LRPPRC: variants seen among roughly 807,000 people sequenced by gnomAD.
The protein encoded by LRPPRC is leucine-rich PPR motif-containing protein, mitochondrial.
In LRPPRC, 120 loss-of-function variants were observed where a neutral mutation model predicts 180.3. The observed-to-expected ratio is 0.67, with a 90% CI of 0.57 to 0.77. The LOEUF is 0.77. Among genes scored for constraint, LRPPRC ranks in the 30% least tolerant of loss-of-function variants. The pLI is 0.00. For synonymous variants in LRPPRC, 723 were observed against 600.0 expected (o/e 1.21, Z -3.00); for missense variants, 2,012 against 1,657.2 (o/e 1.21, Z -3.72).
At chr2:43,916,831 G>C (rs1023137687) in intron 29 of LRPPRC, among the ~76,000 whole-genome samples, 6 of 151,164 alleles carry the variant, frequency 4.0e-5, no homozygotes, top group African/African-American at 1.5e-4. Context: ...TATGGTCCCA[G>C]CTACTTGGGA....
intron 1 of LRPPRC, among the ~76,000 whole-genome samples, chr2:43,986,793 A>T (rs1349235080): frequency 6.6e-6 from 1 of 152,216 alleles, no homozygotes; most frequent in African/African-American, 2.4e-5. Context: ...TTCACACTGG[A>T]AAGTGGTAAA....
chr2:43,926,069 T>TAC (rs1487298434), intron 25 of LRPPRC, 108 bp from the exon 26 acceptor site: 5 of 698,788 alleles, frequency 7.2e-6, no homozygotes, highest in Non-Finnish European at 1.3e-5. Flanking sequence ...CAAATATATA[T>TAC]ACTAAACTTA....
At chr2:43,929,363 T>C (rs560691632) in intron 25 of LRPPRC, among the ~76,000 whole-genome samples, 1 of 152,356 alleles carries the variant, frequency 6.6e-6, no homozygotes, top group South Asian at 2.1e-4. Flanking sequence ...CTGTTTACAT[T>C]TCTCTCAGCT....
Position 43,985,325 on chromosome 2 carries a change from T to C in LRPPRC, c.150-2891A>G, listed in dbSNP as rs77006319. Among the ~76,000 whole-genome samples, 368 of 152,338 alleles carry C rather than the reference T, an allele frequency of 2.4e-3. 2 individuals are homozygous for C. The highest frequency in any genetic ancestry group is 8.2e-3 in the African/African-American group (339 of 41,578). On this transcript the variant is annotated intron_variant, in intron 1 of 37. Transcript: ENST00000260665. ...AGTGTAGTATCTTTGTTACAAATGA[T>C]GAACCAATGCTGATACATTATCCAT...
At chr2:43,895,212 A>G (rs1425684772) in intron 35 of LRPPRC, among the ~76,000 whole-genome samples, 1 of 152,204 alleles carries the variant, frequency 6.6e-6, no homozygotes, top group Non-Finnish European at 1.5e-5. Flanking sequence ...GGATAAACCC[A>G]TGATGGATAT....
At chr2:43,982,909 T>C (rs1002732413) in intron 1 of LRPPRC, among the ~76,000 whole-genome samples, 3 of 151,314 alleles carry the variant, frequency 2.0e-5, no homozygotes, top group African/African-American at 7.3e-5. Context: ...AGAAGACCAA[T>C]GTCCAGGCTA....
At chr2:43,976,043 A>C (rs558587728) in intron 6 of LRPPRC, 100 bp downstream of exon 6, 2 of 712,372 alleles carry the variant, frequency 2.8e-6, no homozygotes, top group East Asian at 2.6e-5. Context: ...AATTTTCTCT[A>C]ATTTAAACCC....
At chr2:43,933,031 C>G (rs1340217865) in intron 25 of LRPPRC, among the ~76,000 whole-genome samples, 1 of 152,186 alleles carries the variant, frequency 6.6e-6, no homozygotes, top group Non-Finnish European at 1.5e-5. Flanking sequence ...TTTGGATTCA[C>G]TGTACTTTCA....
At chr2:43,892,463 T>C (rs377113675) in intron 36 of LRPPRC, among the ~76,000 whole-genome samples, 2 of 152,174 alleles carry the variant, frequency 1.3e-5, no homozygotes, top group Admixed American at 6.5e-5. Context: ...TGGATGTTTA[T>C]ACATGGTTCA....
intron 27 of LRPPRC, among the ~76,000 whole-genome samples, chr2:43,920,943 T>C (rs997641331): frequency 5.9e-5 from 9 of 152,214 alleles, no homozygotes; most frequent in Non-Finnish European, 1.3e-4. Flanking sequence ...GCACAAATTA[T>C]ACAAAAAGCT....
At chr2:43,964,346 G>A (rs2103675478) in intron 11 of LRPPRC, among the ~76,000 whole-genome samples, 1 of 152,232 alleles carries the variant, frequency 6.6e-6, no homozygotes, top group East Asian at 1.9e-4. Context: ...GAGCTACAGT[G>A]AGTTTCAAAT....
In LRPPRC at chr2:43,948,360, T is replaced by C. The variant is rs936810577; in HGVS notation, c.1842+52A>G. ...TTAAAAGCAGCAATTTCAAATCTAA[T>C]AGATACATGTCAGGCAGGACAGGCA... On this transcript the variant is annotated intron_variant, in intron 17 of 37. Coordinates refer to ENST00000260665, the MANE Select transcript of LRPPRC (RefSeq NM_133259.4). 7 of 1,132,226 alleles carry C rather than the reference T, an allele frequency of 6.2e-6. No individual in the cohort carries two copies. In the East Asian group the frequency reaches 1.4e-4, roughly 23 times the overall value. 70.1% of individuals were successfully genotyped at this position (1,132,226 alleles called of 1,614,324 possible).
intron 27 of LRPPRC, 146 bp from the exon 28 acceptor site, chr2:43,918,544 C>G: frequency 1.5e-6 from 1 of 685,060 alleles, no homozygotes; most frequent in Non-Finnish European, 2.5e-6. Context: ...GTGACCGTGA[C>G]CCGAAGTCGA....
chr2:43,923,244 T>TGC lies in LRPPRC; in HGVS notation c.2896+1821_2896+1822dup, dbSNP rs202208323. Among the ~76,000 whole-genome samples, 1,042 of 148,786 alleles carry TGC rather than the reference T, an allele frequency of 7.0e-3. 10 individuals are homozygous for TGC. The highest frequency in any genetic ancestry group is 0.024 in the African/African-American group (979 of 40,224). On this transcript the variant is annotated intron_variant, in intron 27 of 37. Coordinates refer to ENST00000260665, the MANE Select transcript of LRPPRC (RefSeq NM_133259.4). ...CTGTAATCCCAGCACTGTGGAAGGC[T>TGC]GCGGCAGGAAGACTGCTTGAGCTCA...
chr2:43,930,397 C>A (rs902639087), intron 25 of LRPPRC, among the ~76,000 whole-genome samples: 1 of 152,140 alleles, frequency 6.6e-6, no homozygotes, highest in African/African-American at 2.4e-5. Context: ...AACTACTATA[C>A]GTTGAGTATC....
At position 43,985,959 on chromosome 2, in the gene LRPPRC, T is replaced by C. The variant is rs191436426; in HGVS notation, c.150-3525A>G. Among the ~76,000 whole-genome samples, 20 of 152,348 alleles carry C rather than the reference T, an allele frequency of 1.3e-4. 1 individual carries two copies. The highest frequency in any genetic ancestry group is 4.6e-4 in the African/African-American group (19 of 41,592). ...AAATGAGAGTTCCTGTTGTCCTACA[T>C]GCTTGCCAGTATTTGGGGTTTTCGA... On this transcript the variant is annotated intron_variant, in intron 1 of 37. Transcript: ENST00000260665.
chr2:43,941,913 T>G (rs1410995109), intron 23 of LRPPRC, among the ~76,000 whole-genome samples: 1 of 150,772 alleles, frequency 6.6e-6, no homozygotes, highest in Non-Finnish European at 1.5e-5. Flanking sequence ...TATACATATC[T>G]GAAAGTAGTA....
chr2:43,971,498 A>G (rs1182749091), intron 11 of LRPPRC, among the ~76,000 whole-genome samples: 5 of 147,418 alleles, frequency 3.4e-5, no homozygotes, highest in African/African-American at 1.0e-4. Flanking sequence ...AAAAAAAAAA[A>G]AAAAAAGAAA....
In LRPPRC at chr2:43,948,401, C is replaced by G. The variant is rs188452757; in HGVS notation, c.1842+11G>C. On this transcript the variant is annotated intron_variant, in intron 17 of 37. Coordinates refer to ENST00000260665, the MANE Select transcript of LRPPRC (RefSeq NM_133259.4). ...AGGACAGGCATTATATAGCAAAAAACGAAATGGTACCATCTTCTCCAGCTG... is the reference window on the plus strand; with the variant it reads ...AGGACAGGCATTATATAGCAAAAAAGGAAATGGTACCATCTTCTCCAGCTG... The G allele has an allele frequency of 4.2e-5, 67 of 1,579,314 alleles. 1 individual carries two copies. In the East Asian group the frequency reaches 1.5e-3, roughly 35 times the overall value.
Sources: gnomAD v4.1 joint callset for allele counts (sites outside exome capture counted in the v4.1 genomes callset) on GRCh38, gnomAD v4.1.1 for gene constraint, MANE v1.5 for transcripts, NCBI Gene and HGNC (gene_info 2026-07-23, HGNC 2026-07-21) for gene names.